The following RNF121 variants were observed in gnomAD, a reference collection of about 807,000 sequenced individuals.
The protein encoded by RNF121 is ring finger protein 121.
In RNF121, 21 loss-of-function variants were observed where a neutral mutation model predicts 46.5. The ratio of observed to expected loss-of-function variants is 0.45; its 90% CI spans 0.32 to 0.65. The LOEUF (loss-of-function observed/expected upper bound fraction) is 0.65, where lower values mean the gene tolerates loss of function less well. Ranked by LOEUF, RNF121 falls within the 30% of genes least tolerant of loss-of-function variation. The probability of loss-of-function intolerance (pLI) is 0.04; values close to 1 mark genes in which losing one functional copy is unlikely to be tolerated. For missense variants in RNF121, 346 were observed against 416.0 expected (o/e 0.83, Z 1.46); for synonymous variants, 139 against 144.7 (o/e 0.96, Z 0.28).
At position 71,990,690 on chromosome 11, in the gene RNF121, T is replaced by C. The variant is rs1954848518; in HGVS notation, c.600T>C (p.Cys200=). ...TGGAACGGGACTTTGCAGAAATGTG[T>C]GCAGACTACATGGCATCTACCATAG... ...GVLERDFAEM[C]ADYMASTIGF... is the part of the protein sequence containing the mutation. The change falls in exon 6 of 9, where the codon TGT becomes TGC. Residue 200 remains cysteine, a synonymous_variant. Transcript: ENST00000361756. 12 of 1,614,232 alleles carry C rather than the reference T, an allele frequency of 7.4e-6. No homozygotes were observed. Among genetic ancestry groups the C allele is most frequent in the Non-Finnish European group, 1.0e-5 (12 of 1,180,036 alleles).
intron 1 of RNF121, among the ~76,000 whole-genome samples, chr11:71,952,717 G>A (rs1953910896): frequency 6.6e-6 from 1 of 152,146 alleles, no homozygotes; most frequent in African/African-American, 2.4e-5. Flanking sequence ...GCTGAGGCGA[G>A]GGAATCACTT....
intron 5 of RNF121, among the ~76,000 whole-genome samples, chr11:71,989,125 C>T (rs944603129): frequency 1.3e-5 from 2 of 152,040 alleles, no homozygotes; most frequent in African/African-American, 4.8e-5. Context: ...TGCTTTGTCG[C>T]CTAGGCTAGA....
chr11:71,954,251 T>G (rs1371631028), intron 1 of RNF121, among the ~76,000 whole-genome samples: 1 of 152,216 alleles, frequency 6.6e-6, no homozygotes. Flanking sequence ...TTCCCTTATT[T>G]TTTTTTACTT....
In RNF121 at chr11:71,986,024, T is replaced by C. The variant is rs80132940; in HGVS notation, c.399-980T>C. Among the ~76,000 whole-genome samples the C allele has an allele frequency of 4.0e-3, 612 of 152,252 alleles. 2 individuals carry two copies. Among genetic ancestry groups the C allele is most frequent in the African/African-American group, 0.014 (584 of 41,520 alleles). On this transcript the variant is annotated intron_variant, in intron 4 of 8. Coordinates refer to ENST00000361756, the MANE Select transcript of RNF121 (RefSeq NM_018320.5). ...GGGATCCACCAATTAGGTTGTACAC[T>C]GTCTTCATTGGCTCCTGGGGCACAC...
At chr11:71,945,160 A>T (rs7951564) in intron 1 of RNF121, among the ~76,000 whole-genome samples, 139,984 of 151,994 alleles carry the variant, frequency 0.92, 64,753 homozygotes, top group Non-Finnish European at 0.98. Flanking sequence ...GCTAATTTTT[A>T]AATTTTTTGT....
intron 3 of RNF121, among the ~76,000 whole-genome samples, chr11:71,969,820 G>A (rs1013997977): frequency 6.6e-6 from 1 of 152,024 alleles, no homozygotes; most frequent in African/African-American, 2.4e-5. Context: ...TCCCACCTTG[G>A]CCTCTCAAAG....
intron 3 of RNF121, among the ~76,000 whole-genome samples, chr11:71,965,922 G>A (rs577545463): frequency 6.6e-6 from 1 of 152,316 alleles, no homozygotes; most frequent in Non-Finnish European, 1.5e-5. Flanking sequence ...ATTTTATTAA[G>A]TATTTCTCTG....
At chr11:71,967,072 C>T (rs7925901) in intron 3 of RNF121, among the ~76,000 whole-genome samples, 130,319 of 146,828 alleles carry the variant, frequency 0.89, 58,076 homozygotes, top group Non-Finnish European at 0.94. Context: ...GGGGTTTCAC[C>T]TTGTTAGCCA....
At chr11:71,958,054 C>A (rs1280853268) in intron 2 of RNF121, among the ~76,000 whole-genome samples, 1 of 152,126 alleles carries the variant, frequency 6.6e-6, no homozygotes, top group East Asian at 1.9e-4. Context: ...AGTTGTGTAC[C>A]TCAGCTACCA....
At chr11:71,955,818 C>A (rs1162828133) in intron 1 of RNF121, among the ~76,000 whole-genome samples, 1 of 152,176 alleles carries the variant, frequency 6.6e-6, no homozygotes, top group South Asian at 2.1e-4. Flanking sequence ...CCATGTGTCC[C>A]CTCAGAGTAT....
At chr11:71,982,423 G>A (rs78764135) in intron 3 of RNF121, among the ~76,000 whole-genome samples, 3,880 of 151,246 alleles carry the variant, frequency 0.026, 55 homozygotes, top group East Asian at 0.074. Flanking sequence ...TGAAGATTTC[G>A]TGTTCGAGAT....
intron 3 of RNF121, among the ~76,000 whole-genome samples, chr11:71,973,219 A>G (rs1206673121): frequency 6.6e-6 from 1 of 151,980 alleles, no homozygotes; most frequent in South Asian, 2.1e-4. Flanking sequence ...TAGGCTGGGC[A>G]TAGTGGCTCA....
chr11:71,978,345 A>G (rs993960578), intron 3 of RNF121: 8 of 246,722 alleles, frequency 3.2e-5, no homozygotes, highest in Admixed American at 2.7e-4. Flanking sequence ...CTAGGCCCCA[A>G]GCAGAAGTTG....
chr11:71,989,154 A>T (rs1209956616), intron 5 of RNF121, among the ~76,000 whole-genome samples: 2 of 152,062 alleles, frequency 1.3e-5, no homozygotes, highest in African/African-American at 4.8e-5. Context: ...GCTCACTGCA[A>T]CCTCCACCTC....
At chr11:71,953,352 A>C (rs1953924969) in intron 1 of RNF121, among the ~76,000 whole-genome samples, 1 of 152,208 alleles carries the variant, frequency 6.6e-6, no homozygotes, top group Non-Finnish European at 1.5e-5. Context: ...CACACTTTAA[A>C]TGGGTGAATT....
intron 1 of RNF121, among the ~76,000 whole-genome samples, chr11:71,952,770 T>G (rs1010909992): frequency 5.9e-5 from 9 of 152,002 alleles, no homozygotes; most frequent in African/African-American, 2.2e-4. Context: ...ATCGTGCCAC[T>G]GCACTCTAGC....
At chr11:71,964,712 C>G (rs1437671722) in intron 3 of RNF121, among the ~76,000 whole-genome samples, 1 of 152,186 alleles carries the variant, frequency 6.6e-6, no homozygotes, top group Admixed American at 6.5e-5. Context: ...CTCCTGAACT[C>G]AAGCAATCCG....
intron 1 of RNF121, among the ~76,000 whole-genome samples, chr11:71,942,231 C>A (rs1411257389): frequency 6.6e-6 from 1 of 151,896 alleles, no homozygotes; most frequent in Non-Finnish European, 1.5e-5. Flanking sequence ...CCGTGCCCGG[C>A]AATGAAAAGA....
intron 4 of RNF121, chr11:71,983,155 A>C (rs1186378542): frequency 1.1e-5 from 4 of 351,970 alleles, no homozygotes; most frequent in African/African-American, 4.2e-5. Context: ...ATTAAAGGCA[A>C]ACAAAAATAA....
Sources: gnomAD v4.1 joint callset for allele counts (sites outside exome capture counted in the v4.1 genomes callset) on GRCh38, gnomAD v4.1.1 for gene constraint, MANE v1.5 for transcripts, NCBI Gene and HGNC (gene_info 2026-07-23, HGNC 2026-07-21) for gene names.